Variants in SPATA16 observed in about 807,000 individuals in gnomAD.
The protein encoded by SPATA16 is spermatogenesis-associated protein 16.
In SPATA16, 36 loss-of-function variants were observed where a neutral mutation model predicts 63.3. That is an observed-to-expected ratio of 0.57 (90% confidence interval 0.44 to 0.75). SPATA16 has a LOEUF of 0.75. Ranked by LOEUF, SPATA16 falls within the 30% of genes least tolerant of loss-of-function variation. SPATA16 has a pLI of 0.00. For synonymous variants in SPATA16, 203 were observed against 216.7 expected (o/e 0.94, Z 0.56); for missense variants, 646 against 679.3 (o/e 0.95, Z 0.54).
chr3:172,977,639 G>T (rs1734195868), intron 4 of SPATA16, among the ~76,000 whole-genome samples: 1 of 152,118 alleles, frequency 6.6e-6, no homozygotes. Context: ...TTAAGTTGAG[G>T]GGATATTAAA....
chr3:172,912,544 C>T (rs1732391645), intron 10 of SPATA16, among the ~76,000 whole-genome samples: 1 of 152,112 alleles, frequency 6.6e-6, no homozygotes, highest in African/African-American at 2.4e-5. Flanking sequence ...TTTGCCACCA[C>T]TGAGACAGCA....
chr3:173,079,062 A>G (rs369389743), intron 2 of SPATA16, among the ~76,000 whole-genome samples: 2 of 152,112 alleles, frequency 1.3e-5, no homozygotes, highest in East Asian at 1.9e-4. Flanking sequence ...TTTATTGTCA[A>G]TGTCATCTGT....
chr3:173,032,101 C>T (rs1735619507), intron 3 of SPATA16, among the ~76,000 whole-genome samples: 1 of 152,070 alleles, frequency 6.6e-6, no homozygotes. Flanking sequence ...TACTTGAGAT[C>T]TCAGCATGTA....
intron 6 of SPATA16, among the ~76,000 whole-genome samples, chr3:172,942,488 CA>C (rs1560074040): frequency 6.6e-6 from 1 of 151,300 alleles, no homozygotes; most frequent in Non-Finnish European, 1.5e-5. Flanking sequence ...AATTACATAA[CA>C]ATAACATACA....
intron 2 of SPATA16, among the ~76,000 whole-genome samples, chr3:173,068,664 T>G (rs1332910428): frequency 6.6e-6 from 1 of 152,058 alleles, no homozygotes; most frequent in East Asian, 1.9e-4. Context: ...CACAGCTTAC[T>G]AAAACCTATG....
chr3:173,001,265 G>GTTGTTTTTTTT (rs1553790832), intron 4 of SPATA16, among the ~76,000 whole-genome samples: 6 of 133,970 alleles, frequency 4.5e-5, no homozygotes, highest in East Asian at 2.0e-4. Context: ...ATGCTTCTCA[G>GTTGTTTTTTTT]TTGTTTTTTT....
At position 173,126,662 on chromosome 3, in the gene SPATA16, A is replaced by G. The variant is rs376927219; in HGVS notation, c.-18-8913T>C. Among the ~76,000 whole-genome samples the G allele has an allele frequency of 7.9e-5, 12 of 152,344 alleles. 1 individual carries two copies. Among genetic ancestry groups the G allele is most frequent in the Admixed American group, 2.6e-4 (4 of 15,296 alleles). ...TTAAACTATAACTCAGTATTGTAGAAGTATAGAGGTGAAGAATCTTTCAAA... is the reference window on the plus strand; with the variant it reads ...TTAAACTATAACTCAGTATTGTAGAGGTATAGAGGTGAAGAATCTTTCAAA... On this transcript the variant is annotated intron_variant, in intron 1 of 10. Transcript: ENST00000351008.
rs527789001 is a variant in SPATA16, at chr3:172,918,355, A to C, written c.1339-1874T>G. On this transcript the variant is annotated intron_variant, in intron 8 of 10. Transcript: ENST00000351008. ...TGTCAGTGTAATTTTCCAAAACGTC[A>C]GGAAAATAAACATAGTGGAAGGCAA... is the stretch of plus-strand genomic sequence containing the variant. Among the ~76,000 whole-genome samples the C allele has an allele frequency of 4.6e-5, 7 of 152,314 alleles. No individual in the cohort carries two copies. The East Asian group carries it at 1.4e-3, about 29-fold the overall frequency.
At chr3:173,035,794 T>C (rs1403516533) in intron 3 of SPATA16, among the ~76,000 whole-genome samples, 1 of 151,996 alleles carries the variant, frequency 6.6e-6, no homozygotes, top group East Asian at 1.9e-4. Flanking sequence ...TTCATAATAA[T>C]ATTAAGAAAT....
chr3:173,102,518 T>A (rs1277743240), intron 2 of SPATA16, among the ~76,000 whole-genome samples: 1 of 152,016 alleles, frequency 6.6e-6, no homozygotes, highest in Non-Finnish European at 1.5e-5. Flanking sequence ...GAGCAGTTGG[T>A]GGGGGAAACA....
chr3:172,919,133 C>T (rs1732564690), intron 8 of SPATA16, among the ~76,000 whole-genome samples: 1 of 152,104 alleles, frequency 6.6e-6, no homozygotes, highest in African/African-American at 2.4e-5. Context: ...TTTGGCAAGT[C>T]ATCCTGTGAA....
chr3:172,925,562 A>G, intron 6 of SPATA16, 70 bp from the exon 7 acceptor site: 1 of 1,589,814 alleles, frequency 6.3e-7, no homozygotes, highest in Non-Finnish European at 8.6e-7. Flanking sequence ...TTTCCCCCCC[A>G]GATTTCAGGA....
intron 2 of SPATA16, among the ~76,000 whole-genome samples, chr3:173,104,329 G>A (rs1317082701): frequency 1.3e-5 from 2 of 152,072 alleles, no homozygotes; most frequent in African/African-American, 4.8e-5. Flanking sequence ...CTTTATAGCA[G>A]TGCCCGACTC....
intron 4 of SPATA16, among the ~76,000 whole-genome samples, chr3:172,987,612 G>A (rs978724371): frequency 6.6e-6 from 1 of 152,198 alleles, no homozygotes; most frequent in Non-Finnish European, 1.5e-5. Flanking sequence ...ACTGAAAAAT[G>A]TCATATTAGG....
chr3:173,095,203 A>C (rs1240794403), intron 2 of SPATA16, among the ~76,000 whole-genome samples: 1 of 152,110 alleles, frequency 6.6e-6, no homozygotes, highest in African/African-American at 2.4e-5. Flanking sequence ...TTATTGTAGG[A>C]ATTGAAGGAG....
chr3:172,895,902 G>T (rs1447567669), intron 10 of SPATA16, among the ~76,000 whole-genome samples: 1 of 149,964 alleles, frequency 6.7e-6, no homozygotes, highest in African/African-American at 2.5e-5. Flanking sequence ...TTTGTATACA[G>T]GTCTTTGTTT....
Position 172,924,325 on chromosome 3 carries a change from T to G in SPATA16, c.1229-8A>C. 6.2e-7 allele frequency: 1 copy of G among 1,603,968 alleles called. No homozygotes were observed. Among genetic ancestry groups the G allele is most frequent in the Non-Finnish European group, 8.5e-7 (1 of 1,172,084 alleles). Reference sequence around the variant, plus strand: ...CGAAAGGTGTTTTATGCTCTAAAAATTGTAACAATAAACTTTTATACTATT... The same window carrying G: ...CGAAAGGTGTTTTATGCTCTAAAAAGTGTAACAATAAACTTTTATACTATT... On this transcript the variant is annotated splice_region_variant and splice_polypyrimidine_tract_variant and intron_variant, in intron 7 of 10. Transcript: ENST00000351008.
At chr3:173,133,501 C>T (rs1037311268) in intron 1 of SPATA16, among the ~76,000 whole-genome samples, 5 of 152,204 alleles carry the variant, frequency 3.3e-5, no homozygotes, top group African/African-American at 7.2e-5. Flanking sequence ...TGACTTCCCC[C>T]GGCCACACTC....
At chr3:173,102,503 A>C (rs1737520320) in intron 2 of SPATA16, among the ~76,000 whole-genome samples, 1 of 152,186 alleles carries the variant, frequency 6.6e-6, no homozygotes, top group African/African-American at 2.4e-5. Flanking sequence ...ACATGGCAAG[A>C]GCCAGAGCAG....
Sources: gnomAD v4.1 joint callset for allele counts (sites outside exome capture counted in the v4.1 genomes callset) on GRCh38, gnomAD v4.1.1 for gene constraint, MANE v1.5 for transcripts, NCBI Gene and HGNC (gene_info 2026-07-23, HGNC 2026-07-21) for gene names.